The following ZNF385B variants were observed in gnomAD, a reference collection of about 807,000 sequenced individuals.
ZNF385B encodes the protein zinc finger protein 385B.
In ZNF385B, 23 loss-of-function variants were observed where a neutral mutation model predicts 39.2. The observed-to-expected ratio is 0.59, with a 90% confidence interval of 0.42 to 0.83. The LOEUF (loss-of-function observed/expected upper bound fraction) is 0.83, where lower values mean the gene tolerates loss of function less well. Ranked by LOEUF, ZNF385B falls within the 40% of genes least tolerant of loss-of-function variation. ZNF385B has a pLI of 0.00. For synonymous variants in ZNF385B, 205 were observed against 222.6 expected, an observed-to-expected ratio of 0.92 and a Z score of 0.70; for missense variants, 552 against 598.9, an observed-to-expected ratio of 0.92 and a Z score of 0.82.
At chr2:179,631,491 G>C (rs1034405272) in intron 3 of ZNF385B, among the ~76,000 whole-genome samples, 3 of 152,108 alleles carry the variant, frequency 2.0e-5, no homozygotes, top group Non-Finnish European at 2.9e-5. Context: ...GTCACCACCA[G>C]GCCTGCCTTA....
At chr2:179,806,967 T>C (rs1156297539) in intron 1 of ZNF385B, among the ~76,000 whole-genome samples, 6 of 152,166 alleles carry the variant, frequency 3.9e-5, no homozygotes, top group Non-Finnish European at 8.8e-5. Flanking sequence ...TGGCAATCCA[T>C]ACGCTTCTAG....
intron 6 of ZNF385B, among the ~76,000 whole-genome samples, chr2:179,461,053 T>A (rs1416824008): frequency 1.3e-5 from 2 of 152,154 alleles, no homozygotes; most frequent in Non-Finnish European, 2.9e-5. Flanking sequence ...AGAAAGAGTG[T>A]TCCAGGAAGA....
At chr2:179,690,347 A>G (rs1250068257) in intron 3 of ZNF385B, among the ~76,000 whole-genome samples, 2 of 152,194 alleles carry the variant, frequency 1.3e-5, no homozygotes, top group African/African-American at 2.4e-5. Flanking sequence ...CAGTATAAAT[A>G]GGGGATTGCT....
At chr2:179,819,018 T>C (rs1707240934) in intron 1 of ZNF385B, among the ~76,000 whole-genome samples, 1 of 129,830 alleles carries the variant, frequency 7.7e-6, no homozygotes, top group African/African-American at 2.9e-5. Flanking sequence ...TGTATAAATA[T>C]GTGCATGTTT....
chr2:179,578,594 A>G (rs553752133), intron 3 of ZNF385B, among the ~76,000 whole-genome samples: 39 of 152,120 alleles, frequency 2.6e-4, no homozygotes, highest in African/African-American at 8.7e-4. Flanking sequence ...ACTGAGAACC[A>G]TTTTGGATCA....
chr2:179,507,991 G>T (rs1434623678), intron 5 of ZNF385B, among the ~76,000 whole-genome samples: 21 of 152,128 alleles, frequency 1.4e-4, no homozygotes, highest in Non-Finnish European at 2.1e-4. Flanking sequence ...TTTAAAGAGC[G>T]CTTGAGAGAT....
intron 3 of ZNF385B, among the ~76,000 whole-genome samples, chr2:179,578,950 A>G (rs894151460): frequency 6.6e-6 from 1 of 152,134 alleles, no homozygotes; most frequent in Non-Finnish European, 1.5e-5. Context: ...GAAGTGCATG[A>G]AATTCCCTAA....
chr2:179,614,900 A>G (rs559976988), intron 3 of ZNF385B, among the ~76,000 whole-genome samples: 434 of 152,302 alleles, frequency 2.8e-3, no homozygotes, highest in Non-Finnish European at 5.2e-3. Context: ...ATCATGTATA[A>G]TTCATAAAAA....
intron 3 of ZNF385B, among the ~76,000 whole-genome samples, chr2:179,740,432 C>T (rs1291665852): frequency 6.6e-6 from 1 of 152,124 alleles, no homozygotes; most frequent in Non-Finnish European, 1.5e-5. Flanking sequence ...TTTTGTCATT[C>T]AATTGCCATT....
Position 179,627,175 on chromosome 2 carries a change from C to T in ZNF385B, c.299-82206G>A, listed in dbSNP as rs77593335. 3.0e-4 allele frequency among the ~76,000 whole-genome samples: 46 copies of T among 152,288 alleles called. 1 individual carries two copies. In the East Asian group the frequency reaches 8.9e-3, roughly 29 times the overall value. ...TGGTGAGTTTCTGGCAGGTTTGTGACACTGTGCCTGAAACCTGTAATTTTA... is the reference window on the plus strand; with the variant it reads ...TGGTGAGTTTCTGGCAGGTTTGTGATACTGTGCCTGAAACCTGTAATTTTA... On this transcript the variant is annotated intron_variant, in intron 3 of 9. Coordinates refer to ENST00000410066, the MANE Select transcript of ZNF385B (RefSeq NM_152520.6).
At chr2:179,684,159 C>T (rs1011301284) in intron 3 of ZNF385B, among the ~76,000 whole-genome samples, 3 of 152,128 alleles carry the variant, frequency 2.0e-5, no homozygotes, top group Admixed American at 2.0e-4. Context: ...CAGGAGCCTC[C>T]GTTAGCATAT....
chr2:179,811,840 A>G (rs1706753499), intron 1 of ZNF385B, among the ~76,000 whole-genome samples: 1 of 152,162 alleles, frequency 6.6e-6, no homozygotes, highest in South Asian at 2.1e-4. Context: ...ACAGCAAAAG[A>G]AACTATCAAC....
chr2:179,731,816 C>A (rs1274319152), intron 3 of ZNF385B, among the ~76,000 whole-genome samples: 1 of 152,180 alleles, frequency 6.6e-6, no homozygotes, highest in East Asian at 1.9e-4. Flanking sequence ...ATAAAAGTTT[C>A]CCAGCTGATT....
intron 6 of ZNF385B, among the ~76,000 whole-genome samples, chr2:179,459,729 A>T (rs2051108715): frequency 6.6e-6 from 1 of 151,012 alleles, no homozygotes; most frequent in Non-Finnish European, 1.5e-5. Flanking sequence ...TAAATGCATA[A>T]ACTTTTATTA....
intron 6 of ZNF385B, among the ~76,000 whole-genome samples, chr2:179,476,232 G>A (rs187099594): frequency 6.6e-6 from 1 of 152,042 alleles, no homozygotes; most frequent in East Asian, 1.9e-4. Context: ...AATCTCAAGG[G>A]CATTTATGGT....
chr2:179,851,043 CCT>C (rs1042659734), intron 1 of ZNF385B, among the ~76,000 whole-genome samples: 104 of 152,242 alleles, frequency 6.8e-4, no homozygotes, highest in African/African-American at 2.4e-3. Flanking sequence ...TGCAAAGTTC[CCT>C]CTCACATTTA....
chr2:179,513,636 T>C (rs1402607520), intron 5 of ZNF385B, among the ~76,000 whole-genome samples: 3 of 152,188 alleles, frequency 2.0e-5, no homozygotes, highest in Non-Finnish European at 4.4e-5. Flanking sequence ...TCTTTCTGGG[T>C]CTTAGCTGTT....
intron 1 of ZNF385B, among the ~76,000 whole-genome samples, chr2:179,838,733 C>T (rs1708384778): frequency 1.3e-5 from 2 of 152,068 alleles, no homozygotes. Flanking sequence ...TTCATGATAT[C>T]TCCAGTCTGT....
chr2:179,612,288 G>A (rs1050351883), intron 3 of ZNF385B, among the ~76,000 whole-genome samples: 3 of 152,170 alleles, frequency 2.0e-5, no homozygotes, highest in Non-Finnish European at 4.4e-5. Flanking sequence ...GTGGATGTTT[G>A]CCAGTGTCTG....
Sources: gnomAD v4.1 joint callset for allele counts (sites outside exome capture counted in the v4.1 genomes callset) on GRCh38, gnomAD v4.1.1 for gene constraint, MANE v1.5 for transcripts, NCBI Gene and HGNC (gene_info 2026-07-23, HGNC 2026-07-21) for gene names.